AHI1: variants seen among roughly 807,000 people sequenced by gnomAD.
AHI1 encodes Abelson helper integration site 1, also known as jouberin.
Under a neutral mutation model 149.3 loss-of-function variants are expected in AHI1, and 123 were observed. That is an observed-to-expected ratio of 0.82 (90% CI 0.71 to 0.96). The LOEUF is 0.96. Among genes scored for constraint, AHI1 ranks in the 40% least tolerant of loss-of-function variants. The pLI is 0.00. For synonymous variants in AHI1, 475 were observed against 459.8 expected (o/e 1.03, Z -0.42); for missense variants, 1,439 against 1,422.7 (o/e 1.01, Z -0.18).
intron 15 of AHI1, 29 bp from the exon 16 acceptor site, chr6:135,433,285 C>A (rs1433328110): frequency 6.7e-7 from 1 of 1,496,480 alleles, no homozygotes; most frequent in East Asian, 2.3e-5. Flanking sequence ...TTACATATTG[C>A]TTCTGAAAAG....
chr6:135,386,626 C>T (rs553969442), intron 23 of AHI1, among the ~76,000 whole-genome samples: 11 of 150,160 alleles, frequency 7.3e-5, no homozygotes, highest in African/African-American at 1.7e-4. Context: ...AGTGTTTTTT[C>T]TTTTCTTTTT....
chr6:135,428,929 G>A (rs1239629376), intron 18 of AHI1, among the ~76,000 whole-genome samples, 170 bp from the exon 19 acceptor site: 1 of 151,646 alleles, frequency 6.6e-6, no homozygotes, highest in Non-Finnish European at 1.5e-5. Context: ...AGGAGAGCTA[G>A]TCCCAAGAGC....
chr6:135,308,407 T>C (rs1784776870), intron 26 of AHI1, among the ~76,000 whole-genome samples: 7 of 152,162 alleles, frequency 4.6e-5, no homozygotes. Context: ...GGATAATTTT[T>C]GTACGTTTTA....
chr6:135,379,854 GCTTCCTAGCTTCCTTC>G (rs143288705), intron 23 of AHI1, among the ~76,000 whole-genome samples: 1,688 of 151,712 alleles, frequency 0.011, 39 homozygotes, highest in African/African-American at 0.039. Flanking sequence ...ACAACTTACA[GCTTCCTAGCTTCCTTC>G]CTTCCTAGCT....
At chr6:135,466,414 T>G (rs751341768) in intron 6 of AHI1, 41 bp from the exon 7 acceptor site, 1 of 1,494,950 alleles carries the variant, frequency 6.7e-7, no homozygotes, top group African/African-American at 1.4e-5. Context: ...CAGTTACACA[T>G]AGATTAGTTA....
chr6:135,450,599 C>G (rs954760976), intron 11 of AHI1, among the ~76,000 whole-genome samples: 1 of 152,172 alleles, frequency 6.6e-6, no homozygotes, highest in Non-Finnish European at 1.5e-5. Context: ...TTGATAAACT[C>G]TCCTACAGCT....
chr6:135,432,136 CTGAA>C (rs1239228113), intron 16 of AHI1, among the ~76,000 whole-genome samples: 2 of 151,796 alleles, frequency 1.3e-5, no homozygotes, highest in African/African-American at 4.8e-5. Context: ...AGAGTCTTTC[CTGAA>C]TATGTTCCAA....
At chr6:135,423,183 A>G (rs964895346) in intron 20 of AHI1, among the ~76,000 whole-genome samples, 6 of 152,196 alleles carry the variant, frequency 3.9e-5, no homozygotes, top group African/African-American at 1.4e-4. Context: ...TAAGATTGGT[A>G]GACACAGTAA....
At chr6:135,359,771 T>G (rs1793564727) in intron 23 of AHI1, among the ~76,000 whole-genome samples, 1 of 152,202 alleles carries the variant, frequency 6.6e-6, no homozygotes. Flanking sequence ...CTAGGCTGAT[T>G]ACTGATTTTT....
chr6:135,285,753 T>C lies in AHI1; in HGVS notation c.3589-106A>G, dbSNP rs11970282. 69,148 of 945,872 alleles carry C rather than the reference T, an allele frequency of 0.073. 3,926 individuals are homozygous for C. The highest frequency in any genetic ancestry group is 0.25 in the African/African-American group (14,826 of 60,392). 58.6% of individuals were successfully genotyped at this position (945,872 alleles called of 1,614,324 possible). On this transcript the variant is annotated intron_variant, in intron 28 of 28. Transcript: ENST00000265602. ...GCAACAGCACAGGTAATAAAGGACATTGTGTAAAACACAAACACATACAAA... is the reference window on the plus strand; with the variant it reads ...GCAACAGCACAGGTAATAAAGGACACTGTGTAAAACACAAACACATACAAA...
At chr6:135,408,236 G>T (rs1300216140) in intron 21 of AHI1, among the ~76,000 whole-genome samples, 2 of 152,060 alleles carry the variant, frequency 1.3e-5, no homozygotes, top group Non-Finnish European at 2.9e-5. Flanking sequence ...AAATCTGTTG[G>T]TGAGTTGTTT....
intron 13 of AHI1, among the ~76,000 whole-genome samples, chr6:135,445,057 T>C (rs921034571): frequency 1.3e-5 from 2 of 152,222 alleles, no homozygotes; most frequent in African/African-American, 4.8e-5. Flanking sequence ...CCCACCTAAC[T>C]TGGAAGTTCC....
intron 27 of AHI1, 102 bp downstream of exon 27, chr6:135,300,398 T>G (rs1783716422): frequency 1.6e-6 from 2 of 1,215,366 alleles, no homozygotes; most frequent in Admixed American, 3.0e-5. Context: ...GAAATTTAAC[T>G]TATAGTTTGA....
intron 19 of AHI1, among the ~76,000 whole-genome samples, 157 bp downstream of exon 19, chr6:135,428,472 C>A (rs987951882): frequency 1.3e-5 from 2 of 151,624 alleles, no homozygotes; most frequent in Non-Finnish European, 3.0e-5. Context: ...TAGACTGTAG[C>A]TGAGTTCCTT....
In AHI1 at chr6:135,318,535, G is replaced by A. The variant is rs1349995791; in HGVS notation, c.3410C>T (p.Ser1137Phe). The change falls in exon 26 of 29, where the codon TCT (serine) becomes TTT (phenylalanine). Residue 1137 changes from serine (S) to phenylalanine (F), a missense_variant. Physicochemically the swap from Ser to Phe is radical, Grantham distance 155. Coordinates refer to ENST00000265602, the MANE Select transcript of AHI1 (RefSeq NM_001134831.2). ...SPEEKTKIEK[S>F]PAPQKQSINK... ...AACATTTACCTTTTGAGGAGCTGGA[G>A]ATTTTTCTATTTTAGTTTTTTCCTC... 6.3e-7 allele frequency: 1 copy of A among 1,591,998 alleles called. No homozygotes were observed. The highest frequency in any genetic ancestry group is 1.1e-5 in the South Asian group (1 of 87,158).
chr6:135,329,077 G>T (rs886698467), intron 24 of AHI1, among the ~76,000 whole-genome samples: 38 of 152,208 alleles, frequency 2.5e-4, no homozygotes, highest in African/African-American at 9.2e-4. Flanking sequence ...GAAGTGTGAA[G>T]AAAGAAGCCA....
intron 20 of AHI1, among the ~76,000 whole-genome samples, chr6:135,419,119 A>G (rs1248347365): frequency 6.6e-6 from 1 of 152,046 alleles, no homozygotes; most frequent in African/African-American, 2.4e-5. Flanking sequence ...TTGTAAGTCA[A>G]TTAGAACTTT....
chr6:135,414,336 T>C (rs1408718429), intron 20 of AHI1, among the ~76,000 whole-genome samples: 2 of 152,186 alleles, frequency 1.3e-5, no homozygotes, highest in African/African-American at 2.4e-5. Flanking sequence ...AACCCAAAGC[T>C]GTAAGACTTC....
In AHI1 at chr6:135,318,552, T is replaced by C; in HGVS notation, c.3393A>G (p.Lys1131=). ...ERSPPLSPEE[K]TKIEKSPAPQ... ...GAGCTGGAGATTTTTCTATTTTAGT[T>C]TTTTCCTCAGGGCTTAAAGGAGGGG... Residue 1131 remains lysine, a synonymous_variant, in exon 26 of 29, where the codon AAA becomes AAG. Coordinates refer to ENST00000265602, the MANE Select transcript of AHI1 (RefSeq NM_001134831.2). 1.2e-6 allele frequency: 2 copies of C among 1,601,826 alleles called. No individual in the cohort carries two copies. The highest frequency in any genetic ancestry group is 1.7e-6 in the Non-Finnish European group (2 of 1,173,866).
Sources: gnomAD v4.1 joint callset for allele counts (sites outside exome capture counted in the v4.1 genomes callset) on GRCh38, gnomAD v4.1.1 for gene constraint, MANE v1.5 for transcripts, NCBI Gene and HGNC (gene_info 2026-07-23, HGNC 2026-07-21) for gene names.